The following PCSK6 variants were observed in gnomAD, a reference collection of about 807,000 sequenced individuals.
PCSK6 encodes paired basic amino acid cleaving enzyme 4.
A neutral mutation model predicts 123.3 loss-of-function variants in PCSK6; 85 were observed. That is an observed-to-expected ratio of 0.69 (90% CI 0.58 to 0.83). The LOEUF (loss-of-function observed/expected upper bound fraction) is 0.83. PCSK6 is among the 40% of genes least tolerant of loss of function. PCSK6 has a pLI of 0.00. For synonymous variants in PCSK6, 508 were observed against 516.0 expected (o/e 0.98, Z 0.21); for missense variants, 1,191 against 1,282.3 (o/e 0.93, Z 1.09).
At chr15:101,349,507 T>C (rs1295043714) in intron 13 of PCSK6, among the ~76,000 whole-genome samples, 1 of 152,200 alleles carries the variant, frequency 6.6e-6, no homozygotes, top group East Asian at 1.9e-4. Flanking sequence ...GGCAGGTCTC[T>C]ACCAGCTTCT....
Position 101,489,451 on chromosome 15 carries a change from A to T in PCSK6, c.220T>A (p.Trp74Arg). Residue 74 changes from tryptophan to arginine, a missense_variant, in exon 1 of 22, where the codon TGG (tryptophan) becomes AGG (arginine). Trp to Arg is a moderately radical substitution (Grantham distance 101, BLOSUM62 -3). This residue lies in a region of PCSK6 where 204 missense variants were observed against 166.4 expected (regional missense o/e 1.23). Coordinates refer to ENST00000611716, the MANE Select transcript of PCSK6 (RefSeq NM_002570.5). Reference protein sequence around the residue: ...PPPRPVYTNHWAVQVLGGPAE... With the variant: ...PPPRPVYTNHRAVQVLGGPAE... ...GGGCCGCCCAGCACTTGCACCGCCC[A>T]GTGGTTGGTGTAGACGGGGCGCGGC... is the stretch of plus-strand genomic sequence containing the variant. The T allele has an allele frequency of 8.3e-7, 1 of 1,204,124 alleles. No individual in the cohort carries two copies. Among genetic ancestry groups the T allele is most frequent in the Non-Finnish European group, 1.0e-6 (1 of 962,362 alleles). The allele number at this position is 1,204,124 out of a possible 1,614,324, so 74.6% of individuals were successfully genotyped here. A position where few individuals can be genotyped will look rare whatever the true frequency, so the allele number is the denominator to read the frequency against.
Position 101,304,101 on chromosome 15 carries a change from C to A in PCSK6, c.*1157G>T, listed in dbSNP as rs1015686330. ...GGGAGCAGGACAATATGGAGAAAGA[C>A]GAGGTCGAAAAAATTTAAGGCAAAT... is the stretch of plus-strand genomic sequence containing the variant. On this transcript the variant is annotated 3_prime_UTR_variant, in exon 22 of 22. Transcript: ENST00000611716. The A allele has an allele frequency of 1.3e-5, 2 of 152,474 alleles. No individual in the cohort carries two copies. Among genetic ancestry groups the A allele is most frequent in the African/African-American group, 4.8e-5 (2 of 41,404 alleles). 9.4% of individuals were successfully genotyped at this position (152,474 alleles called of 1,614,324 possible). A position where few individuals can be genotyped will look rare whatever the true frequency, so the allele number is the denominator to read the frequency against.
intron 13 of PCSK6, among the ~76,000 whole-genome samples, chr15:101,336,051 C>G (rs1417311766): frequency 6.6e-6 from 1 of 152,212 alleles, no homozygotes; most frequent in Non-Finnish European, 1.5e-5. Context: ...GGGTCTGCTA[C>G]TGATGGAAAT....
At chr15:101,368,491 G>T (rs1015744529) in intron 12 of PCSK6, among the ~76,000 whole-genome samples, 1 of 152,208 alleles carries the variant, frequency 6.6e-6, no homozygotes, top group African/African-American at 2.4e-5. Context: ...GCTCCTGGGA[G>T]CCCAGCCAGG....
intron 6 of PCSK6, among the ~76,000 whole-genome samples, chr15:101,401,761 T>A (rs919471426): frequency 2.0e-5 from 3 of 152,216 alleles, no homozygotes; most frequent in African/African-American, 7.2e-5. Context: ...GTGTGTTTGC[T>A]GCTAGTTTGA....
chr15:101,477,693 C>T (rs1030548383), intron 1 of PCSK6, among the ~76,000 whole-genome samples: 3 of 152,210 alleles, frequency 2.0e-5, no homozygotes, highest in Non-Finnish European at 4.4e-5. Flanking sequence ...TGTAAACAGT[C>T]TTATAACCAG....
intron 7 of PCSK6, among the ~76,000 whole-genome samples, chr15:101,397,457 C>T (rs1243976965): frequency 1.3e-5 from 2 of 152,090 alleles, no homozygotes. Context: ...ATATTTTAAA[C>T]GATATAAATT....
At chr15:101,361,164 C>CT (rs754933946) in intron 13 of PCSK6, among the ~76,000 whole-genome samples, 5,466 of 80,662 alleles carry the variant, frequency 0.068, 126 homozygotes, top group Non-Finnish European at 0.079. Flanking sequence ...CTTTCTCTCT[C>CT]TTTTTTTTTT....
intron 7 of PCSK6, 58 bp from the exon 8 acceptor site, chr15:101,393,482 T>TC: frequency 7.2e-7 from 1 of 1,395,822 alleles, no homozygotes; most frequent in Non-Finnish European, 9.8e-7. Context: ...AGGGTGGGTC[T>TC]CCCCCCGAAC....
chr15:101,370,399 G>A lies in PCSK6; in HGVS notation c.1657C>T (p.Arg553Ter), dbSNP rs1205669391. 8.4e-6 allele frequency: 13 copies of A among 1,553,098 alleles called. No individual in the cohort carries two copies. Among genetic ancestry groups the A allele is most frequent in the Admixed American group, 2.0e-5 (1 of 51,154 alleles). The stretch of plus-strand genomic sequence containing the variant: ...ACCAGGTAGATCTGGAGGTCTCCTC[G>A]GCGTGGGTGTGAGATGGAGGTGCGA... ...VVRTSISHPR[R>*]GDLQIYLVSP... The change falls in exon 12 of 22, where the codon CGA becomes TGA. Residue 553 changes from arginine (R) to a stop codon, truncating the protein, a stop_gained. Coordinates refer to ENST00000611716, the MANE Select transcript of PCSK6 (RefSeq NM_002570.5). LOFTEE classifies it high-confidence loss of function.
chr15:101,342,926 G>C (rs184818122), intron 13 of PCSK6, among the ~76,000 whole-genome samples: 1 of 151,454 alleles, frequency 6.6e-6, no homozygotes, highest in African/African-American at 2.4e-5. Flanking sequence ...CCAAACTCTG[G>C]CTTCATTCAA....
At chr15:101,380,751 C>A (rs1165528980) in intron 11 of PCSK6, among the ~76,000 whole-genome samples, 1 of 152,198 alleles carries the variant, frequency 6.6e-6, no homozygotes, top group Non-Finnish European at 1.5e-5. Flanking sequence ...TTTTTCTCAA[C>A]TATTTGTGGC....
At chr15:101,405,414 C>A (rs934690556) in intron 6 of PCSK6, among the ~76,000 whole-genome samples, 2 of 152,034 alleles carry the variant, frequency 1.3e-5, no homozygotes, top group Non-Finnish European at 2.9e-5. Context: ...GGGTGTGAGG[C>A]GGGAGGAGTG....
At chr15:101,397,347 G>T (rs2042442881) in intron 7 of PCSK6, among the ~76,000 whole-genome samples, 1 of 152,170 alleles carries the variant, frequency 6.6e-6, no homozygotes, top group Non-Finnish European at 1.5e-5. Context: ...GAGGCTGTTT[G>T]CAGTATAATC....
chr15:101,485,526 A>G (rs2058000030), intron 1 of PCSK6, among the ~76,000 whole-genome samples: 3 of 152,024 alleles, frequency 2.0e-5, no homozygotes, highest in Admixed American at 1.3e-4. Context: ...AGCTCTTTCT[A>G]AAGTTTTATA....
chr15:101,447,633 G>T (rs1197384693), intron 1 of PCSK6, among the ~76,000 whole-genome samples: 1 of 152,242 alleles, frequency 6.6e-6, no homozygotes, highest in Non-Finnish European at 1.5e-5. Flanking sequence ...GCGGCCTAAA[G>T]ACAAAATTCC....
chr15:101,328,612 C>T (rs1214734954), intron 15 of PCSK6, among the ~76,000 whole-genome samples: 1 of 152,056 alleles, frequency 6.6e-6, no homozygotes, highest in East Asian at 1.9e-4. Context: ...GACTTCACAC[C>T]CCCCACCCCT....
intron 1 of PCSK6, among the ~76,000 whole-genome samples, chr15:101,480,836 G>T (rs542332838): frequency 6.6e-6 from 1 of 152,296 alleles, no homozygotes; most frequent in South Asian, 2.1e-4. Context: ...TACGTGGCAG[G>T]GCCTATCGAG....
chr15:101,316,910 G>GTTTTTTTTTTTTTTTTTT lies in PCSK6; in HGVS notation c.2569+1391_2569+1408dup, dbSNP rs57613156. Among the ~76,000 whole-genome samples the GTTTTTTTTTTTTTTTTTT allele has an allele frequency of 1.6e-3, 188 of 114,916 alleles. 32 individuals are homozygous for GTTTTTTTTTTTTTTTTTT. Among genetic ancestry groups the GTTTTTTTTTTTTTTTTTT allele is most frequent in the African/African-American group, 7.0e-3 (178 of 25,366 alleles). The allele number at this position is 114,916 out of a possible 152,430, so 75.4% of individuals were successfully genotyped here. A position where few individuals can be genotyped will look rare whatever the true frequency, so the allele number is the denominator to read the frequency against. On this transcript the variant is annotated intron_variant, in intron 19 of 21. Transcript: ENST00000611716. The stretch of plus-strand genomic sequence containing the variant: ...ACTGGTTTAGCAGAGACTTAATTCT[G>GTTTTTTTTTTTTTTTTTT]TTTTTTTTTTTTTTTTTTTGACAGA...
Sources: allele counts gnomAD v4.1 joint callset (sites outside exome capture counted in the v4.1 genomes callset), GRCh38; gene constraint gnomAD v4.1.1; regional missense constraint gnomAD v4.1.1; transcripts MANE v1.5; gene names NCBI Gene and HGNC (gene_info 2026-07-23, HGNC 2026-07-21).